Variants in CNTN1 observed in about 807,000 individuals in gnomAD.
CNTN1 encodes the protein contactin 1.
In CNTN1, 38 loss-of-function variants were observed where a neutral mutation model predicts 126.4. The ratio of observed to expected loss-of-function variants is 0.30; its 90% CI spans 0.23 to 0.39. The LOEUF is 0.39. Ranked by LOEUF, CNTN1 falls within the 10% of genes least tolerant of loss-of-function variation. The pLI is 1.00. For missense variants in CNTN1, 1,009 were observed against 1,248.4 expected (o/e 0.81, Z 2.89); for synonymous variants, 413 against 422.6 (o/e 0.98, Z 0.28).
Position 40,910,125 on chromosome 12 carries a change from G to A in CNTN1, c.94+20G>A, listed in dbSNP as rs751700508. On this transcript the variant is annotated intron_variant, in intron 3 of 23. Coordinates refer to ENST00000551295, the MANE Select transcript of CNTN1 (RefSeq NM_001843.4). Reference sequence around the variant, plus strand: ...ATGGAGGTAAGTTGACCAAAGAGTAGACCTTGTAAACATCTTTTCTCTATT... The same window carrying A: ...ATGGAGGTAAGTTGACCAAAGAGTAAACCTTGTAAACATCTTTTCTCTATT... 3 of 1,576,018 alleles carry A rather than the reference G, an allele frequency of 1.9e-6. No homozygotes were observed. Among genetic ancestry groups the A allele is most frequent in the Non-Finnish European group, 8.7e-7 (1 of 1,146,726 alleles).
At chr12:40,923,073 A>G (rs1945509044) in intron 5 of CNTN1, among the ~76,000 whole-genome samples, 1 of 152,022 alleles carries the variant, frequency 6.6e-6, no homozygotes, top group Non-Finnish European at 1.5e-5. Flanking sequence ...TTGGGGGAAG[A>G]AAATGTCACA....
intron 1 of CNTN1, among the ~76,000 whole-genome samples, chr12:40,704,588 T>C (rs73108993): frequency 0.012 from 1,784 of 152,306 alleles, 24 homozygotes; most frequent in African/African-American, 0.04. Context: ...AGACTTAGGA[T>C]TTTATCCCTA....
intron 12 of CNTN1, among the ~76,000 whole-genome samples, chr12:40,943,169 G>A (rs770333305): frequency 4.6e-5 from 7 of 151,950 alleles, no homozygotes; most frequent in Admixed American, 1.3e-4. Context: ...TTACTAAGGA[G>A]GTTTTAAAAT....
At chr12:40,798,345 G>A (rs1168959664) in intron 1 of CNTN1, among the ~76,000 whole-genome samples, 2 of 151,910 alleles carry the variant, frequency 1.3e-5, no homozygotes, top group African/African-American at 4.8e-5. Flanking sequence ...ACTATCTTTT[G>A]TTTTCCTATA....
intron 23 of CNTN1, among the ~76,000 whole-genome samples, chr12:41,060,797 A>G (rs565717380): frequency 6.6e-6 from 1 of 152,346 alleles, no homozygotes; most frequent in South Asian, 2.1e-4. Flanking sequence ...TATGTATTCT[A>G]TAGAACAGAA....
At position 40,925,573 on chromosome 12, in the gene CNTN1, A is replaced by ATATGTATATATACGTG. The variant is rs1565961568; in HGVS notation, c.496+924_496+925insGTATATATACGTGTAT. ...TATATATATACACGTATATATACGT[A>ATATGTATATATACGTG]TATACGTATATATACATGTATATAT... is the stretch of plus-strand genomic sequence containing the variant. On this transcript the variant is annotated intron_variant, in intron 6 of 23. Coordinates refer to ENST00000551295, the MANE Select transcript of CNTN1 (RefSeq NM_001843.4). 5.6e-5 allele frequency among the ~76,000 whole-genome samples: 7 copies of ATATGTATATATACGTG among 124,390 alleles called. No homozygotes were observed. In the East Asian group the frequency reaches 1.5e-3, roughly 27 times the overall value. 81.6% of individuals were successfully genotyped at this position (124,390 alleles called of 152,430 possible).
intron 1 of CNTN1, among the ~76,000 whole-genome samples, chr12:40,772,805 G>C (rs1318320473): frequency 6.6e-6 from 1 of 151,876 alleles, no homozygotes; most frequent in African/African-American, 2.4e-5. Context: ...AATTGTCTAA[G>C]CAATAGAAAG....
intron 15 of CNTN1, among the ~76,000 whole-genome samples, chr12:40,974,993 G>A (rs886977659): frequency 6.6e-6 from 1 of 151,566 alleles, no homozygotes; most frequent in Non-Finnish European, 1.5e-5. Flanking sequence ...TAATTACTTG[G>A]AAGTCTTTTG....
intron 22 of CNTN1, among the ~76,000 whole-genome samples, chr12:41,028,822 A>C (rs1949086433): frequency 6.6e-6 from 1 of 152,212 alleles, no homozygotes; most frequent in Admixed American, 6.5e-5. Flanking sequence ...CTCAAAAAAT[A>C]AAATTCAGAT....
At chr12:41,004,838 T>C (rs1948451886) in intron 17 of CNTN1, among the ~76,000 whole-genome samples, 2 of 152,222 alleles carry the variant, frequency 1.3e-5, no homozygotes, top group Admixed American at 1.3e-4. Flanking sequence ...GCATGTGAGA[T>C]GGATCTCTTG....
intron 1 of CNTN1, among the ~76,000 whole-genome samples, chr12:40,695,938 G>T (rs1389999532): frequency 6.6e-6 from 1 of 151,926 alleles, no homozygotes; most frequent in Admixed American, 6.6e-5. Flanking sequence ...TTACCCTATC[G>T]GCTAAGAGCA....
intron 1 of CNTN1, among the ~76,000 whole-genome samples, chr12:40,799,079 T>G (rs1322075099): frequency 6.6e-6 from 1 of 151,662 alleles, no homozygotes; most frequent in East Asian, 1.9e-4. Flanking sequence ...AACAAGGCAT[T>G]GAAAAGTTTT....
chr12:40,870,525 A>C lies in CNTN1; in HGVS notation c.-76-37832A>C, dbSNP rs561348573. Among the ~76,000 whole-genome samples the C allele has an allele frequency of 2.0e-5, 3 of 152,270 alleles. No individual in the cohort carries two copies. In the South Asian group the frequency reaches 6.2e-4, roughly 32 times the overall value. On this transcript the variant is annotated intron_variant, in intron 1 of 23. Transcript: ENST00000551295. ...CATAAGGCACTCAATCAGACAGATA[A>C]TAGATTTTCATTTCCAAACCTAACA...
At chr12:40,707,438 G>A (rs2121146978) in intron 1 of CNTN1, among the ~76,000 whole-genome samples, 1 of 151,794 alleles carries the variant, frequency 6.6e-6, no homozygotes. Flanking sequence ...TTTTTTAGTA[G>A]AGACGGGGTT....
intron 6 of CNTN1, among the ~76,000 whole-genome samples, chr12:40,927,445 G>C (rs1945734769): frequency 6.6e-6 from 1 of 152,008 alleles, no homozygotes; most frequent in Non-Finnish European, 1.5e-5. Flanking sequence ...GGTGATGGTG[G>C]GTGGGGAAAG....
chr12:40,729,975 G>A (rs1460313712), intron 1 of CNTN1: 1 of 152,206 alleles, frequency 6.6e-6, no homozygotes, highest in East Asian at 1.9e-4. Flanking sequence ...GAGAAAGGAA[G>A]GGGACATTTT....
At chr12:40,813,511 A>C (rs1941160725) in intron 1 of CNTN1, among the ~76,000 whole-genome samples, 1 of 152,162 alleles carries the variant, frequency 6.6e-6, no homozygotes, top group Non-Finnish European at 1.5e-5. Flanking sequence ...GTCTCCCTGC[A>C]AAGGACACGA....
intron 1 of CNTN1, among the ~76,000 whole-genome samples, chr12:40,718,384 T>A (rs1012075697): frequency 1.3e-5 from 2 of 152,106 alleles, no homozygotes; most frequent in East Asian, 3.9e-4. Flanking sequence ...TTTCGCCGTG[T>A]TGGCCAGGAT....
chr12:40,988,344 G>C (rs921037441), intron 16 of CNTN1, among the ~76,000 whole-genome samples: 1 of 152,118 alleles, frequency 6.6e-6, no homozygotes, highest in Non-Finnish European at 1.5e-5. Context: ...GATTCTGCTT[G>C]TGTTCGGATC....
Sources: gnomAD v4.1 joint callset for allele counts (sites outside exome capture counted in the v4.1 genomes callset) on GRCh38, gnomAD v4.1.1 for gene constraint, MANE v1.5 for transcripts, NCBI Gene and HGNC (gene_info 2026-07-23, HGNC 2026-07-21) for gene names.